FSTL4: variants seen among roughly 807,000 people sequenced by gnomAD.
FSTL4 encodes the protein follistatin like 4, also known as follistatin-related protein 4.
A neutral mutation model predicts 78.2 loss-of-function variants in FSTL4; 28 were observed. The observed-to-expected ratio is 0.36, with a 90% confidence interval of 0.27 to 0.49. The LOEUF (loss-of-function observed/expected upper bound fraction) is 0.49, where lower values mean the gene tolerates loss of function less well. Ranked by LOEUF, FSTL4 falls within the 20% of genes least tolerant of loss-of-function variation. The pLI is 0.98. For missense variants in FSTL4, 922 were observed against 1,084.9 expected, an observed-to-expected ratio of 0.85 and a Z score of 2.11; for synonymous variants, 422 against 440.5, an observed-to-expected ratio of 0.96 and a Z score of 0.53.
the FSTL4 span, among the ~76,000 whole-genome samples, chr5:133,807,500 A>C: frequency 6.6e-6 from 1 of 152,240 alleles, no homozygotes; most frequent in African/African-American, 2.4e-5. Context: ...GTTTAACAGC[A>C]CAGGAGGGTA....
Position 133,316,665 on chromosome 5 carries a change from G to C in FSTL4, c.410-13C>G, listed in dbSNP as rs780188238. 3.1e-6 allele frequency: 5 copies of C among 1,597,548 alleles called. No individual in the cohort carries two copies. The East Asian group carries it at 1.1e-4, about 36-fold the overall frequency. ...GTGCACGTGTCACCTGAAAGAGAAGGTGAGGTTATTATTTTGAGACTTATC... is the reference window on the plus strand; with the variant it reads ...GTGCACGTGTCACCTGAAAGAGAAGCTGAGGTTATTATTTTGAGACTTATC... On this transcript the variant is annotated splice_polypyrimidine_tract_variant and intron_variant, in intron 4 of 15. Transcript: ENST00000265342.
intron 3 of FSTL4, among the ~76,000 whole-genome samples, chr5:133,492,997 T>C (rs1758297932): frequency 2.6e-5 from 4 of 152,126 alleles, no homozygotes; most frequent in Admixed American, 2.0e-4. Context: ...TTTTAAATCA[T>C]TTATTGTATT....
At chr5:133,753,728 T>C in the FSTL4 span, among the ~76,000 whole-genome samples, 5 of 24,582 alleles carry the variant, frequency 2.0e-4, no homozygotes, top group African/African-American at 5.5e-4. Context: ...TGTGTGTGTG[T>C]AGTGGCAGGG....
At chr5:133,495,490 T>C (rs1279283899) in intron 3 of FSTL4, among the ~76,000 whole-genome samples, 1 of 152,220 alleles carries the variant, frequency 6.6e-6, no homozygotes, top group Non-Finnish European at 1.5e-5. Context: ...GGCCTTTACA[T>C]GACAAAATAT....
At chr5:133,575,291 A>G (rs1760253153) in intron 2 of FSTL4, 1 of 152,202 alleles carries the variant, frequency 6.6e-6, no homozygotes, top group Admixed American at 6.5e-5. Context: ...CTCAACACAC[A>G]TTCGTGAAAA....
intron 14 of FSTL4, among the ~76,000 whole-genome samples, chr5:133,206,930 T>A (rs77851533): frequency 8.3e-5 from 2 of 24,090 alleles, no homozygotes; most frequent in African/African-American, 5.2e-4. Context: ...TATGAAATAA[T>A]TAATAGTCTC....
chr5:133,765,051 C>A, the FSTL4 span, among the ~76,000 whole-genome samples: 1 of 152,216 alleles, frequency 6.6e-6, no homozygotes, highest in Non-Finnish European at 1.5e-5. Context: ...TGAATCAAAA[C>A]CTTGCAAATA....
chr5:133,523,843 G>A (rs1207972919), intron 3 of FSTL4, among the ~76,000 whole-genome samples: 2 of 152,214 alleles, frequency 1.3e-5, no homozygotes, highest in Non-Finnish European at 2.9e-5. Flanking sequence ...TACCAAGTCT[G>A]AGAGGACATT....
chr5:133,566,620 A>C (rs979895842), intron 3 of FSTL4, among the ~76,000 whole-genome samples: 6 of 152,258 alleles, frequency 3.9e-5, no homozygotes, highest in African/African-American at 1.4e-4. Context: ...AGATTTCTGA[A>C]AGTAACACCC....
At chr5:133,466,920 G>A (rs2112844125) in intron 3 of FSTL4, among the ~76,000 whole-genome samples, 1 of 150,210 alleles carries the variant, frequency 6.7e-6, no homozygotes, top group South Asian at 2.1e-4. Context: ...AAGTGTGAGA[G>A]TGTGTGTGAG....
the FSTL4 span, among the ~76,000 whole-genome samples, chr5:133,679,392 G>A: frequency 6.6e-6 from 1 of 152,114 alleles, no homozygotes; most frequent in Non-Finnish European, 1.5e-5. Context: ...CCTTTCTGTG[G>A]GTAGCAGTCT....
At chr5:133,661,069 C>T in the FSTL4 span, among the ~76,000 whole-genome samples, 2 of 152,210 alleles carry the variant, frequency 1.3e-5, no homozygotes. Context: ...CAGCTCATTG[C>T]AACCTCTGCC....
At chr5:133,668,827 G>A in the FSTL4 span, among the ~76,000 whole-genome samples, 1 of 152,316 alleles carries the variant, frequency 6.6e-6, no homozygotes, top group Admixed American at 6.5e-5. Flanking sequence ...AGGCCCATCA[G>A]GCATAGTGCA....
chr5:133,827,537 C>T, the FSTL4 span, among the ~76,000 whole-genome samples: 6 of 152,012 alleles, frequency 3.9e-5, no homozygotes, highest in African/African-American at 1.4e-4. Context: ...TGTGCAAATA[C>T]TCTCTTATAT....
intron 3 of FSTL4, among the ~76,000 whole-genome samples, chr5:133,428,674 G>A (rs1756877045): frequency 6.6e-6 from 1 of 152,316 alleles, no homozygotes; most frequent in East Asian, 1.9e-4. Context: ...TGCATATAGG[G>A]GCTCCTGTCC....
intron 3 of FSTL4, among the ~76,000 whole-genome samples, chr5:133,455,085 G>C (rs1031082965): frequency 6.6e-6 from 1 of 152,208 alleles, no homozygotes; most frequent in Non-Finnish European, 1.5e-5. Context: ...CATACTAAAG[G>C]AGGAGGGTAG....
intron 3 of FSTL4, among the ~76,000 whole-genome samples, chr5:133,409,154 G>A (rs1001165421): frequency 2.6e-5 from 4 of 152,118 alleles, no homozygotes. Flanking sequence ...CAAGGTAGGG[G>A]AGTCTGAAAT....
At chr5:133,526,940 T>G (rs1759114883) in intron 3 of FSTL4, among the ~76,000 whole-genome samples, 1 of 152,070 alleles carries the variant, frequency 6.6e-6, no homozygotes, top group South Asian at 2.1e-4. Flanking sequence ...AAGTCCTCCT[T>G]TTTCCTACCC....
intron 14 of FSTL4, among the ~76,000 whole-genome samples, chr5:133,204,417 T>A (rs2162769): frequency 6.6e-6 from 1 of 152,034 alleles, no homozygotes; most frequent in African/African-American, 2.4e-5. Flanking sequence ...ATACAAACAA[T>A]GCAGTAACAA....
Sources: gnomAD v4.1 joint callset for allele counts (sites outside exome capture counted in the v4.1 genomes callset) on GRCh38, gnomAD v4.1.1 for gene constraint, MANE v1.5 for transcripts, NCBI Gene and HGNC (gene_info 2026-07-23, HGNC 2026-07-21) for gene names.